Variants in BICDL1 observed in about 807,000 individuals in gnomAD.
BICDL1 encodes the protein BICD family like cargo adaptor 1.
In BICDL1, 20 loss-of-function variants were observed where a neutral mutation model predicts 76.8. That is an observed-to-expected ratio of 0.26 (90% CI 0.18 to 0.38). BICDL1 has a LOEUF of 0.38. Ranked by LOEUF, BICDL1 falls within the 10% of genes least tolerant of loss-of-function variation. BICDL1 has a pLI of 1.00. For synonymous variants in BICDL1, 383 were observed against 337.1 expected, an observed-to-expected ratio of 1.14 and a Z score of -1.49; for missense variants, 700 against 798.6, an observed-to-expected ratio of 0.88 and a Z score of 1.49.
intron 2 of BICDL1, 79 bp from the exon 3 acceptor site, chr12:120,061,631 T>C (rs1953106582): frequency 1.0e-6 from 1 of 959,324 alleles, no homozygotes; most frequent in Middle Eastern, 2.1e-4. Context: ...AAGAGATGCT[T>C]GATAAATGAA....
rs772813257 is a variant in BICDL1, at chr12:119,990,306, C to A, written c.429+9C>A. On this transcript the variant is annotated intron_variant, in intron 1 of 9. Transcript: ENST00000548673. ...TGACAGACAAGCTCGAGGTGAGGAC[C>A]TCCCTCCAGGGATGGGTGGGGAGCA... is the stretch of plus-strand genomic sequence containing the variant. 43 of 1,555,652 alleles carry A rather than the reference C, an allele frequency of 2.8e-5. No individual in the cohort carries two copies. The highest frequency in any genetic ancestry group is 3.5e-5 in the Non-Finnish European group (40 of 1,150,420).
chr12:120,084,239 T>A (rs1874223220), intron 8 of BICDL1, among the ~76,000 whole-genome samples: 1 of 152,158 alleles, frequency 6.6e-6, no homozygotes, highest in African/African-American at 2.4e-5. Flanking sequence ...CCTGACCTTG[T>A]GAACCACCCG....
At chr12:120,073,249 C>T (rs530840962) in intron 6 of BICDL1, among the ~76,000 whole-genome samples, 25 of 152,322 alleles carry the variant, frequency 1.6e-4, no homozygotes, top group African/African-American at 6.0e-4. Flanking sequence ...CCAAAGGCAG[C>T]TTCCTGCACA....
At chr12:120,016,322 C>T (rs1459487764) in intron 2 of BICDL1, among the ~76,000 whole-genome samples, 1 of 151,336 alleles carries the variant, frequency 6.6e-6, no homozygotes, top group Non-Finnish European at 1.5e-5. Flanking sequence ...CAATTTTCAA[C>T]TATTATGAAT....
chr12:120,045,615 T>C (rs895910098), intron 2 of BICDL1, among the ~76,000 whole-genome samples: 5 of 151,890 alleles, frequency 3.3e-5, no homozygotes, highest in Non-Finnish European at 4.4e-5. Context: ...TCATGTCCTT[T>C]GTAGGGACAT....
At chr12:120,059,420 T>C (rs1594181310) in intron 2 of BICDL1, among the ~76,000 whole-genome samples, 1 of 151,580 alleles carries the variant, frequency 6.6e-6, no homozygotes, top group South Asian at 2.1e-4. Context: ...GGATTACAGG[T>C]GCATGCCACC....
At chr12:120,034,561 C>T (rs1952493620) in intron 2 of BICDL1, among the ~76,000 whole-genome samples, 1 of 152,170 alleles carries the variant, frequency 6.6e-6, no homozygotes, top group South Asian at 2.1e-4. Context: ...GCTTCACATG[C>T]CAGTTTCTTT....
intron 8 of BICDL1, among the ~76,000 whole-genome samples, chr12:120,081,710 T>C (rs1176687802): frequency 6.6e-6 from 1 of 151,960 alleles, no homozygotes; most frequent in Non-Finnish European, 1.5e-5. Context: ...TTGTTGTTTG[T>C]TTCTATTTTT....
intron 2 of BICDL1, among the ~76,000 whole-genome samples, chr12:120,020,629 C>A (rs992567830): frequency 6.6e-6 from 1 of 152,082 alleles, no homozygotes; most frequent in African/African-American, 2.4e-5. Flanking sequence ...TGGGGAATAA[C>A]CATTCCAACT....
intron 1 of BICDL1, among the ~76,000 whole-genome samples, chr12:119,994,394 CTT>C (rs376520041): frequency 5.9e-5 from 8 of 136,078 alleles, no homozygotes; most frequent in Non-Finnish European, 4.8e-5. Flanking sequence ...TTTTTTGGTT[CTT>C]TTTTTTTTTT....
chr12:120,074,988 C>T (rs1460286602), intron 7 of BICDL1, among the ~76,000 whole-genome samples: 1 of 152,252 alleles, frequency 6.6e-6, no homozygotes, highest in African/African-American at 2.4e-5. Context: ...AGTGCCATCA[C>T]TTCTCTCAGC....
intron 7 of BICDL1, 118 bp downstream of exon 7, chr12:120,074,704 A>G: frequency 5.0e-6 from 4 of 806,118 alleles, no homozygotes; most frequent in Non-Finnish European, 6.1e-6. Flanking sequence ...CCTTCATCAG[A>G]TCATCAAGGA....
In BICDL1 at chr12:119,991,283, C is replaced by T. The variant is rs1951517822; in HGVS notation, c.429+986C>T. Among the ~76,000 whole-genome samples, 5 of 152,176 alleles carry T rather than the reference C, an allele frequency of 3.3e-5. No homozygotes were observed. The South Asian group carries it at 1.0e-3, about 32-fold the overall frequency. On this transcript the variant is annotated intron_variant, in intron 1 of 9. Coordinates refer to ENST00000548673, the MANE Select transcript of BICDL1 (RefSeq NM_001367886.1). ...AGTTACAGCAAGACAATAGTACAGA[C>T]CTGAATGAGGTTTGAAATTGACCCT... is the stretch of plus-strand genomic sequence containing the variant.
chr12:119,996,809 T>A (rs1951657158), intron 1 of BICDL1, among the ~76,000 whole-genome samples: 1 of 152,206 alleles, frequency 6.6e-6, no homozygotes, highest in Non-Finnish European at 1.5e-5. Context: ...TCTGAGAGCA[T>A]CAAAAGTTCA....
chr12:120,071,030 T>C lies in BICDL1; in HGVS notation c.910-592T>C, dbSNP rs1359649946. Among the ~76,000 whole-genome samples the C allele has an allele frequency of 6.6e-6, 1 of 150,480 alleles. No individual in the cohort carries two copies. Among genetic ancestry groups the C allele is most frequent in the Non-Finnish European group, 1.5e-5 (1 of 67,580 alleles). Reference sequence around the variant, plus strand: ...CAGGCGTGAGCCACCACGCCCGGCCTGGTTGGTATAACTCAAGTCTTTTTT... The same window carrying C: ...CAGGCGTGAGCCACCACGCCCGGCCCGGTTGGTATAACTCAAGTCTTTTTT... On this transcript the variant is annotated intron_variant, in intron 4 of 9. Transcript: ENST00000548673. This position sits in a 1 kb window ranked among gnomAD's most constrained non-coding sequence, Gnocchi z 4.8.
At chr12:119,990,617 A>G (rs1214916516) in intron 1 of BICDL1, among the ~76,000 whole-genome samples, 1 of 152,182 alleles carries the variant, frequency 6.6e-6, no homozygotes, top group East Asian at 1.9e-4. Flanking sequence ...CATACAGAGA[A>G]ATGAGGAAGT....
At chr12:119,993,372 G>A (rs1452665052) in intron 1 of BICDL1, 2 of 152,048 alleles carry the variant, frequency 1.3e-5, no homozygotes, top group Non-Finnish European at 2.9e-5. Flanking sequence ...CCAAGATTTT[G>A]TTGTTTTCAT....
rs1594194120 is a variant in BICDL1 at position 120,068,753 on chromosome 12, T to A, written c.910-2869T>A. Reference sequence around the variant, plus strand: ...ATTGCTTGAACCCAGGGGGCAGAGGTTGCAGTGAGCCACAATCGTGCCACT... The same window carrying A: ...ATTGCTTGAACCCAGGGGGCAGAGGATGCAGTGAGCCACAATCGTGCCACT... On this transcript the variant is annotated intron_variant, in intron 4 of 9. Coordinates refer to ENST00000548673, the MANE Select transcript of BICDL1 (RefSeq NM_001367886.1). 2.0e-5 allele frequency among the ~76,000 whole-genome samples: 3 copies of A among 152,218 alleles called. No homozygotes were observed. In the East Asian group the frequency reaches 5.8e-4, roughly 29 times the overall value.
chr12:120,025,780 A>C lies in BICDL1; in HGVS notation c.645+27044A>C, dbSNP rs149266820. On this transcript the variant is annotated intron_variant, in intron 2 of 9. Transcript: ENST00000548673. The stretch of plus-strand genomic sequence containing the variant: ...AATTATTTTTCATTTTTGTATGTGA[A>C]ATATTAATAGTATTGTGGTATATAT... 5.0e-3 allele frequency among the ~76,000 whole-genome samples: 758 copies of C among 152,280 alleles called. 11 individuals are homozygous for C. The highest frequency in any genetic ancestry group is 5.3e-3 in the Non-Finnish European group (362 of 68,024).
Sources: gnomAD v4.1 joint callset for allele counts (sites outside exome capture counted in the v4.1 genomes callset) on GRCh38, gnomAD v4.1.1 for gene constraint, Gnocchi (gnomAD v3.1) non-coding constraint, MANE v1.5 for transcripts, NCBI Gene and HGNC (gene_info 2026-07-23, HGNC 2026-07-21) for gene names.